The following USP9X variants were observed in gnomAD, a reference collection of about 807,000 sequenced individuals.
USP9X encodes the protein ubiquitin specific peptidase 9 X-linked.
Under a neutral mutation model 190.3 loss-of-function variants are expected in USP9X, and 7 were observed. The observed-to-expected ratio is 0.04, with a 90% CI of 0.02 to 0.07. The LOEUF (loss-of-function observed/expected upper bound fraction) is 0.07, where lower values mean the gene tolerates loss of function less well. Ranked by LOEUF, USP9X falls within the 10% of genes least tolerant of loss-of-function variation. The pLI, the probability that USP9X is intolerant of heterozygous loss-of-function variation, is 1.00. For synonymous variants in USP9X, 645 were observed against 659.5 expected, an observed-to-expected ratio of 0.98 and a Z score of 0.34; for missense variants, 1,010 against 1,916.9, an observed-to-expected ratio of 0.53 and a Z score of 8.83.
intron 13 of USP9X, among the ~76,000 whole-genome samples, 196 bp downstream of exon 13, chrX:41,151,253 G>GT (rs2062522414): frequency 5.4e-5 from 6 of 110,890 alleles, no homozygotes; most frequent in Non-Finnish European, 1.1e-4. Context: ...GTAAGCCACA[G>GT]TTAAGTGATA....
At chrX:41,190,159 A>G (rs2062918663) in intron 26 of USP9X, among the ~76,000 whole-genome samples, 1 of 112,312 alleles carries the variant, frequency 8.9e-6, no homozygotes, top group Admixed American at 9.5e-5. Context: ...TCATCATTCC[A>G]TCACATGCCA....
At chrX:41,208,327 G>C (rs959452079) in intron 32 of USP9X, among the ~76,000 whole-genome samples, 1 of 112,167 alleles carries the variant, frequency 8.9e-6, no homozygotes, top group East Asian at 2.8e-4. Context: ...GCCCAGCTGA[G>C]GCTTACACTT....
intron 29 of USP9X, among the ~76,000 whole-genome samples, chrX:41,198,186 CAA>C (rs759250538): frequency 4.4e-4 from 49 of 111,760 alleles, no homozygotes; most frequent in South Asian, 7.4e-4. Flanking sequence ...CACAAGGAAA[CAA>C]AGTTTCATTT....
intron 21 of USP9X, among the ~76,000 whole-genome samples, chrX:41,181,437 T>TTTTA (rs1372849455): frequency 1.9e-5 from 1 of 52,117 alleles, no homozygotes; most frequent in East Asian, 7.0e-4. Flanking sequence ...ACACCTGACT[T>TTTTA]TTTTTTTTTT....
intron 2 of USP9X, among the ~76,000 whole-genome samples, chrX:41,125,684 A>ACACACACACCCTCTCT: frequency 5.3e-5 from 1 of 19,027 alleles, no homozygotes; most frequent in Non-Finnish European, 9.0e-5. Context: ...ACACACACAC[A>ACACACACACCCTCTCT]CTCTCTCTCT....
intron 43 of USP9X, 145 bp downstream of exon 43, chrX:41,229,924 G>C: frequency 1.9e-6 from 2 of 1,032,754 alleles, no homozygotes. Context: ...TATTCGGCTG[G>C]GCATGGTGGC....
intron 15 of USP9X, among the ~76,000 whole-genome samples, chrX:41,165,518 G>A (rs1021280568): frequency 8.9e-6 from 1 of 111,985 alleles, no homozygotes; most frequent in Non-Finnish European, 1.9e-5. Flanking sequence ...GAGTTACTGT[G>A]CCCAGCCTAA....
In USP9X at chrX:41,232,692, C is replaced by A; in HGVS notation, c.*168C>A. On this transcript the variant is annotated 3_prime_UTR_variant, in exon 45 of 45. Transcript: ENST00000378308. ...GCAGAAATTTGCTGTCAATATATAA[C>A]CCGCCTGCAGTGGAAAGTGTATAGT... 1 of 608,649 alleles carries A rather than the reference C, an allele frequency of 1.6e-6. No individual in the cohort carries two copies. The highest frequency in any genetic ancestry group is 2.4e-6 in the Non-Finnish European group (1 of 408,312). The allele number at this position is 608,649 out of a possible 1,213,427, so 50.2% of individuals were successfully genotyped here. A position where few individuals can be genotyped will look rare whatever the true frequency, so the allele number is the denominator to read the frequency against.
chrX:41,100,404 G>A (rs1312366799), intron 1 of USP9X, among the ~76,000 whole-genome samples: 2 of 111,953 alleles, frequency 1.8e-5, no homozygotes, highest in Non-Finnish European at 3.8e-5. Flanking sequence ...GGTAGAACAG[G>A]AATTCAAACT....
intron 21 of USP9X, among the ~76,000 whole-genome samples, chrX:41,173,847 G>A (rs2062750006): frequency 8.9e-6 from 1 of 111,901 alleles, no homozygotes; most frequent in Non-Finnish European, 1.9e-5. Flanking sequence ...GAATCCACAC[G>A]AATGAAGCTA....
intron 18 of USP9X, among the ~76,000 whole-genome samples, chrX:41,169,214 A>G (rs2062704322): frequency 9.1e-6 from 1 of 109,354 alleles, no homozygotes; most frequent in South Asian, 3.9e-4. Flanking sequence ...GGCTCAAGGG[A>G]TCTTCTTTGC....
intron 1 of USP9X, among the ~76,000 whole-genome samples, chrX:41,116,862 C>T (rs906188018): frequency 9.0e-6 from 1 of 111,514 alleles, no homozygotes; most frequent in Admixed American, 9.6e-5. Flanking sequence ...TTAAGATAGG[C>T]AGATTGTAAG....
intron 21 of USP9X, among the ~76,000 whole-genome samples, chrX:41,173,854 G>A (rs1042013905): frequency 8.9e-6 from 1 of 111,957 alleles, no homozygotes; most frequent in African/African-American, 3.2e-5. Flanking sequence ...CACGAATGAA[G>A]CTATGTGTAA....
intron 13 of USP9X, 116 bp from the exon 14 acceptor site, chrX:41,152,832 A>G: frequency 1.3e-6 from 1 of 771,641 alleles, no homozygotes; most frequent in Non-Finnish European, 1.8e-6. Flanking sequence ...GTAAATGTAC[A>G]AAAGTATAAT....
intron 1 of USP9X, among the ~76,000 whole-genome samples, chrX:41,104,580 G>T (rs1001913325): frequency 3.6e-5 from 4 of 111,025 alleles, no homozygotes; most frequent in Non-Finnish European, 7.5e-5. Context: ...TTTTCCTCTG[G>T]GCTGGTCTAG....
chrX:41,098,302 G>A (rs759923524), intron 1 of USP9X, among the ~76,000 whole-genome samples: 2 of 109,348 alleles, frequency 1.8e-5, no homozygotes, highest in East Asian at 2.9e-4. Context: ...CACCACACCT[G>A]GCTAATTTTG....
chrX:41,231,711 CAA>C (rs1198919638), intron 44 of USP9X, among the ~76,000 whole-genome samples: 1 of 91,880 alleles, frequency 1.1e-5, no homozygotes, highest in Non-Finnish European at 2.1e-5. Flanking sequence ...GCCTGGGCAA[CAA>C]GAGCGAAACT....
In USP9X at chrX:41,151,073, A is replaced by G. The variant is rs1205075285; in HGVS notation, c.1763+16A>G. ...AAAATTTGAGGTAAGACTTTTTAAC[A>G]TAGAAAATTTCAATACTTAAAATTT... is the stretch of plus-strand genomic sequence containing the variant. On this transcript the variant is annotated intron_variant, in intron 13 of 44. Coordinates refer to ENST00000378308, the MANE Select transcript of USP9X (RefSeq NM_001039591.3). 1.7e-6 allele frequency: 2 copies of G among 1,182,038 alleles called. No individual in the cohort carries two copies. Among genetic ancestry groups the G allele is most frequent in the Admixed American group, 2.4e-5 (1 of 41,317 alleles).
At chrX:41,125,840 AAT>A (rs975694390) in intron 2 of USP9X, among the ~76,000 whole-genome samples, 2 of 111,028 alleles carry the variant, frequency 1.8e-5, no homozygotes, top group African/African-American at 6.6e-5. Flanking sequence ...TGTCTTTTCT[AAT>A]ATATACAGTT....
Sources: allele counts gnomAD v4.1 joint callset (sites outside exome capture counted in the v4.1 genomes callset), GRCh38; gene constraint gnomAD v4.1.1; transcripts MANE v1.5; gene names NCBI Gene and HGNC (gene_info 2026-07-23, HGNC 2026-07-21).